Variants in RBBP8 observed in about 807,000 individuals in gnomAD.
The protein encoded by RBBP8 is DNA endonuclease RBBP8.
RBBP8 carries 88 observed loss-of-function variants against 108.3 expected under a neutral mutation model. The ratio of observed to expected loss-of-function variants is 0.81; its 90% CI spans 0.68 to 0.97. The LOEUF is 0.97. Ranked by LOEUF, RBBP8 falls within the 50% of genes least tolerant of loss-of-function variation. RBBP8 has a pLI of 0.00. For synonymous variants in RBBP8, 332 were observed against 348.2 expected (o/e 0.95, Z 0.52); for missense variants, 1,023 against 1,049.0 (o/e 0.98, Z 0.34).
chr18:22,951,237 T>C (rs952057395), intron 4 of RBBP8, among the ~76,000 whole-genome samples: 5 of 152,222 alleles, frequency 3.3e-5, no homozygotes, highest in African/African-American at 4.8e-5. Flanking sequence ...TTTCCTAGTA[T>C]GTCATGGATT....
intron 2 of RBBP8, among the ~76,000 whole-genome samples, chr18:22,915,974 T>C (rs182216780): frequency 2.6e-5 from 4 of 152,242 alleles, no homozygotes; most frequent in African/African-American, 9.6e-5. Context: ...ATGTAAGTCC[T>C]ATTAGATATT....
Position 22,993,712 on chromosome 18 carries a change from CT to C in RBBP8, c.1813-8del. 1 of 1,614,124 alleles carries C rather than the reference CT, an allele frequency of 6.2e-7. No homozygotes were observed. Among genetic ancestry groups the C allele is most frequent in the Non-Finnish European group, 8.5e-7 (1 of 1,179,990 alleles). The stretch of plus-strand genomic sequence containing the variant: ...TTTCATTTAGAGCTAACAATTATTT[CT>C]GTTTTAGAGTGCTGGTTCTCATGAG... On this transcript the variant is annotated splice_region_variant and splice_polypyrimidine_tract_variant and intron_variant, in intron 11 of 18. Transcript: ENST00000327155.
At chr18:23,015,890 C>T (rs1442384421) in intron 16 of RBBP8, among the ~76,000 whole-genome samples, 4 of 151,894 alleles carry the variant, frequency 2.6e-5, no homozygotes, top group African/African-American at 4.8e-5. Flanking sequence ...AGTATGTTGC[C>T]GCCAGCTTGT....
intron 5 of RBBP8, among the ~76,000 whole-genome samples, chr18:22,972,055 G>A (rs1006254354): frequency 1.3e-5 from 2 of 151,248 alleles, no homozygotes; most frequent in Non-Finnish European, 2.9e-5. Context: ...GCAAGGTTCT[G>A]TTACGATCCA....
chr18:22,982,175 T>TA, intron 6 of RBBP8, 43 bp from the exon 7 acceptor site: 1 of 1,573,886 alleles, frequency 6.4e-7, no homozygotes, highest in South Asian at 1.1e-5. Flanking sequence ...AATGTTTTAA[T>TA]ACTCATTGAA....
At chr18:22,977,314 C>T (rs1040451913) in intron 6 of RBBP8, among the ~76,000 whole-genome samples, 3 of 151,948 alleles carry the variant, frequency 2.0e-5, no homozygotes, top group Non-Finnish European at 4.4e-5. Flanking sequence ...TGAAATTTCC[C>T]TGAACTTTAG....
At chr18:22,969,675 TTAA>T (rs1244459821) in intron 5 of RBBP8, among the ~76,000 whole-genome samples, 3 of 152,156 alleles carry the variant, frequency 2.0e-5, no homozygotes, top group African/African-American at 4.8e-5. Context: ...GTAACTACTG[TTAA>T]TAGTCTGATA....
intron 15 of RBBP8, among the ~76,000 whole-genome samples, chr18:23,004,406 C>T (rs1420465447): frequency 6.6e-6 from 1 of 151,840 alleles, no homozygotes; most frequent in South Asian, 2.1e-4. Flanking sequence ...GTGAAATAAG[C>T]CAGGCACAGA....
chr18:22,948,248 G>A (rs1037618276), intron 3 of RBBP8, among the ~76,000 whole-genome samples: 1 of 151,974 alleles, frequency 6.6e-6, no homozygotes, highest in Non-Finnish European at 1.5e-5. Flanking sequence ...TCTGTTTTAG[G>A]ACATGATTAA....
At position 22,933,400 on chromosome 18, in the gene RBBP8, T is replaced by TA. The variant is rs1567941990; in HGVS notation, c.-260dup. 2 of 153,574 alleles carry TA rather than the reference T, an allele frequency of 1.3e-5. No homozygotes were observed. Among genetic ancestry groups the TA allele is most frequent in the African/African-American group, 4.8e-5 (2 of 41,436 alleles). 9.5% of individuals were successfully genotyped at this position (153,574 alleles called of 1,614,324 possible). ...GAGCCCGGCCGGCAGCCCCCGGCCTTAAAGCGCGGGCTGTCCGGAGGGGTC... is the reference window on the plus strand; with the variant it reads ...GAGCCCGGCCGGCAGCCCCCGGCCTTAAAAGCGCGGGCTGTCCGGAGGGGTC... On this transcript the variant is annotated 5_prime_UTR_variant, in exon 1 of 19. Transcript: ENST00000327155.
chr18:22,947,716 G>T lies in RBBP8; in HGVS notation c.152+1230G>T, dbSNP rs58476861. ...TCTTTAATATATTAGACACTTCCCT[G>T]TTTTTGAAATTGCATGACTCTTTTT... On this transcript the variant is annotated intron_variant, in intron 3 of 18. Transcript: ENST00000327155. Among the ~76,000 whole-genome samples the T allele has an allele frequency of 1.5e-3, 233 of 152,130 alleles. 1 individual carries two copies. Among genetic ancestry groups the T allele is most frequent in the African/African-American group, 5.3e-3 (222 of 41,532 alleles).
At chr18:23,003,959 A>G (rs549286701) in intron 15 of RBBP8, among the ~76,000 whole-genome samples, 125 of 149,314 alleles carry the variant, frequency 8.4e-4, no homozygotes, top group African/African-American at 2.9e-3. Context: ...CGGGAGGCTC[A>G]GGCAGGAGAA....
At chr18:22,953,898 C>A (rs939151208) in intron 4 of RBBP8, among the ~76,000 whole-genome samples, 1 of 151,994 alleles carries the variant, frequency 6.6e-6, no homozygotes, top group Non-Finnish European at 1.5e-5. Context: ...GAAAGGGAAG[C>A]AAACACATCC....
intron 3 of RBBP8, among the ~76,000 whole-genome samples, chr18:22,927,496 T>G (rs562505163): frequency 6.6e-6 from 1 of 152,184 alleles, no homozygotes; most frequent in Non-Finnish European, 1.5e-5. Flanking sequence ...GGGCCTGCGC[T>G]GTACGATACA....
chr18:22,978,514 T>G (rs984518148), intron 6 of RBBP8, among the ~76,000 whole-genome samples: 4 of 152,134 alleles, frequency 2.6e-5, no homozygotes, highest in African/African-American at 7.2e-5. Flanking sequence ...TTGTTTGTTT[T>G]TTTGTTTTTT....
chr18:22,975,404 C>A (rs1914429248), intron 6 of RBBP8, among the ~76,000 whole-genome samples, 185 bp downstream of exon 6: 1 of 151,938 alleles, frequency 6.6e-6, no homozygotes, highest in Non-Finnish European at 1.5e-5. Context: ...TAGATTAGTG[C>A]TTGAAGAAAG....
intron 1 of RBBP8, 53 bp from the exon 2 acceptor site, chr18:22,936,701 A>G (rs1414006877): frequency 1.1e-5 from 9 of 803,400 alleles, no homozygotes; most frequent in Non-Finnish European, 1.8e-5. Context: ...CCTGATTTCA[A>G]AGTACATAAA....
chr18:22,946,281 A>C, intron 2 of RBBP8, 163 bp from the exon 3 acceptor site: 1 of 793,260 alleles, frequency 1.3e-6, no homozygotes, highest in East Asian at 2.8e-5. Flanking sequence ...AATACATTGC[A>C]GATATGCTTT....
chr18:22,991,562 T>G (rs1214951967), intron 10 of RBBP8, among the ~76,000 whole-genome samples: 1 of 152,210 alleles, frequency 6.6e-6, no homozygotes, highest in Non-Finnish European at 1.5e-5. Context: ...CCATCATTAT[T>G]GCATATAACC....
Sources: allele counts gnomAD v4.1 joint callset (sites outside exome capture counted in the v4.1 genomes callset), GRCh38; gene constraint gnomAD v4.1.1; transcripts MANE v1.5; gene names NCBI Gene and HGNC (gene_info 2026-07-23, HGNC 2026-07-21).